The following MADD variants were observed in gnomAD, a reference collection of about 807,000 sequenced individuals.
The protein encoded by MADD is MAP kinase-activating death domain protein.
Under a neutral mutation model 176.7 loss-of-function variants are expected in MADD, and 109 were observed. The ratio of observed to expected loss-of-function variants is 0.62; its 90% CI spans 0.53 to 0.72. The LOEUF (loss-of-function observed/expected upper bound fraction) is 0.72. MADD is among the 30% of genes least tolerant of loss of function. The pLI, the probability that MADD is intolerant of heterozygous loss-of-function variation, is 0.00. For synonymous variants in MADD, 771 were observed against 771.3 expected, an observed-to-expected ratio of 1.00 and a Z score of 0.01; for missense variants, 1,914 against 2,045.5, an observed-to-expected ratio of 0.94 and a Z score of 1.24.
intron 26 of MADD, among the ~76,000 whole-genome samples, chr11:47,313,046 C>T (rs1238010612): frequency 1.3e-5 from 2 of 152,228 alleles, no homozygotes; most frequent in Non-Finnish European, 2.9e-5. Context: ...AACTGGCAGA[C>T]ATTTTCCTTC....
At chr11:47,314,621 C>T (rs1357974609) in intron 26 of MADD, among the ~76,000 whole-genome samples, 1 of 152,140 alleles carries the variant, frequency 6.6e-6, no homozygotes, top group Non-Finnish European at 1.5e-5. Context: ...AAAAAAGAAG[C>T]TTCTGCTTCC....
intron 15 of MADD, among the ~76,000 whole-genome samples, 158 bp downstream of exon 15, chr11:47,286,692 G>GT (rs2060864970): frequency 6.6e-6 from 1 of 152,178 alleles, no homozygotes; most frequent in African/African-American, 2.4e-5. Flanking sequence ...GGGCTCTGAT[G>GT]GTTGTCAGAT....
chr11:47,271,092 T>G (rs1288898533), intron 1 of MADD: 1 of 152,222 alleles, frequency 6.6e-6, no homozygotes, highest in African/African-American at 2.4e-5. Flanking sequence ...TGGGTGGAGC[T>G]GATGGTGATG....
Position 47,286,548 on chromosome 11 carries a change from TC to T in MADD, c.2653+16del, listed in dbSNP as rs1010168907. On this transcript the variant is annotated intron_variant, in intron 15 of 32. Coordinates refer to ENST00000402192, the Ensembl canonical transcript of MADD. ...CCAGTCTGAAAGGTAACTACAGCCT[TC>T]CTTTTGCCAAGCCAGGTTTCTCCGG... The T allele has an allele frequency of 2.0e-5, 32 of 1,597,230 alleles. No individual in the cohort carries two copies. Among genetic ancestry groups the T allele is most frequent in the Non-Finnish European group, 2.6e-5 (30 of 1,165,128 alleles).
chr11:47,295,872 T>A, intron 21 of MADD, 25 bp from the exon 24 acceptor site: 1 of 1,602,012 alleles, frequency 6.2e-7, no homozygotes, highest in South Asian at 1.1e-5. Context: ...GGGGACTGTC[T>A]CTTACTACCT....
At chr11:47,314,067 C>G (rs529767494) in intron 26 of MADD, among the ~76,000 whole-genome samples, 2 of 151,688 alleles carry the variant, frequency 1.3e-5, no homozygotes, top group African/African-American at 4.8e-5. Flanking sequence ...CAAGGGAGAC[C>G]CCATTTCTAC....
intron 11 of MADD, 38 bp downstream of exon 11, chr11:47,284,319 G>C: frequency 6.2e-7 from 1 of 1,613,170 alleles, no homozygotes; most frequent in South Asian, 1.1e-5. Context: ...CCCTGGGCAG[G>C]GGTTGGGGGC....
intron 8 of MADD, among the ~76,000 whole-genome samples, chr11:47,281,991 C>T (rs1475847352): frequency 2.0e-5 from 3 of 151,832 alleles, no homozygotes; most frequent in East Asian, 1.9e-4. Context: ...CCTGCCACCA[C>T]GCCTGGCTAA....
intron 22 of MADD, among the ~76,000 whole-genome samples, chr11:47,299,068 A>C (rs1357558783): frequency 6.6e-6 from 1 of 152,148 alleles, no homozygotes; most frequent in Non-Finnish European, 1.5e-5. Flanking sequence ...AGTAGCATGC[A>C]GTTATGGTTA....
intron 21 of MADD, 137 bp downstream of exon 23, chr11:47,295,716 A>G (rs1358468691): frequency 8.4e-6 from 13 of 1,542,154 alleles, no homozygotes; most frequent in African/African-American, 1.4e-5. Flanking sequence ...TTACCATCAT[A>G]GGTGTGTGTA....
Position 47,328,343 on chromosome 11 carries a change from C to T in MADD, c.4613-315C>T, listed in dbSNP as rs546675616. The T allele has an allele frequency of 2.6e-5, 33 of 1,286,744 alleles. No individual in the cohort carries two copies. The South Asian group carries it at 4.3e-4, about 17-fold the overall frequency. The allele number at this position is 1,286,744 out of a possible 1,614,324, so 79.7% of individuals were successfully genotyped here. A position where few individuals can be genotyped will look rare whatever the true frequency, so the allele number is the denominator to read the frequency against. On this transcript the variant is annotated intron_variant, in intron 31 of 32. Coordinates refer to ENST00000402192, the Ensembl canonical transcript of MADD. ...CAGGGGCCCTGGACAGTAGCTGTGA[C>T]CAGGCTGGTGAAAGGCCCGTCCCTC...
At chr11:47,270,205 G>C (rs1234889696) in exon 1 of MADD, 7 of 152,182 alleles carry the variant, frequency 4.6e-5, no homozygotes, top group Non-Finnish European at 7.3e-5. Flanking sequence ...CGCTGCCGGG[G>C]GACGTCGGGC....
At chr11:47,294,982 A>G (rs1297890955) in intron 20 of MADD, among the ~76,000 whole-genome samples, 1 of 151,450 alleles carries the variant, frequency 6.6e-6, no homozygotes, top group East Asian at 1.9e-4. Flanking sequence ...TACAGTGAGC[A>G]TGTACTTCTT....
rs776545888 is a variant in MADD, at chr11:47,286,397, T to A, written c.2552-36T>A. ...AGTCTACTGCTTTGATTACTTACTC[T>A]GCCAAGTCATCGCTCTTGCACCCTC... On this transcript the variant is annotated intron_variant, in intron 14 of 32. Transcript: ENST00000402192. The A allele has an allele frequency of 2.2e-6, 3 of 1,393,174 alleles. No individual in the cohort carries two copies. In the South Asian group the frequency reaches 3.5e-5, roughly 16 times the overall value. 86.3% of individuals were successfully genotyped at this position (1,393,174 alleles called of 1,614,324 possible).
intron 21 of MADD, 128 bp from the exon 24 acceptor site, chr11:47,295,769 C>G (rs1318619576): frequency 2.0e-6 from 3 of 1,521,564 alleles, no homozygotes. Flanking sequence ...AAAGAAGGTA[C>G]TTCCAGAGGC....
At position 47,290,639 on chromosome 11, in the gene MADD, G is replaced by T. The variant is rs1287318976; in HGVS notation, c.3124G>T (p.Glu1042Ter). ...AGACAAGCGGAAGAGAAGTCCAACA[G>T]AAAGTGTAAATACCCCAGTTGGCAA... Residue 1042 changes from glutamate to a stop codon, truncating the protein, a stop_gained, in exon 19 of 33, where the codon GAA becomes TAA. Transcript: ENST00000402192. LOFTEE classifies it high-confidence loss of function. The T allele has an allele frequency of 6.2e-7, 1 of 1,613,952 alleles. No homozygotes were observed. Among genetic ancestry groups the T allele is most frequent in the Admixed American group, 1.7e-5 (1 of 60,008 alleles).
At chr11:47,291,465 C>T (rs2065226223) in intron 19 of MADD, among the ~76,000 whole-genome samples, 1 of 152,170 alleles carries the variant, frequency 6.6e-6, no homozygotes, top group Non-Finnish European at 1.5e-5. Context: ...GACCTTGAGT[C>T]ATCGAGGTTG....
Position 47,273,427 on chromosome 11 carries a change from C to T in MADD, c.-88-400C>T, listed in dbSNP as rs190497954. ...GATCTCAGCTCACCACAGCCTCCAC[C>T]TCCTGGGTTCAAGCGATTCTCATGC... is the stretch of plus-strand genomic sequence containing the variant. On this transcript the variant is annotated intron_variant, in intron 1 of 32. Transcript: ENST00000402192. Among the ~76,000 whole-genome samples the T allele has an allele frequency of 3.7e-4, 57 of 152,254 alleles. 1 individual carries two copies. The highest frequency in any genetic ancestry group is 1.4e-3 in the African/African-American group (57 of 41,532).
At chr11:47,316,596 G>T (rs773223606) in intron 27 of MADD, among the ~76,000 whole-genome samples, 6 of 151,596 alleles carry the variant, frequency 4.0e-5, no homozygotes, top group Non-Finnish European at 5.9e-5. Context: ...CACCATGTTG[G>T]TCAGGCTGGT....
Sources: gnomAD v4.1 joint callset for allele counts (sites outside exome capture counted in the v4.1 genomes callset) on GRCh38, gnomAD v4.1.1 for gene constraint, MANE v1.5 for transcripts, NCBI Gene and HGNC (gene_info 2026-07-23, HGNC 2026-07-21) for gene names.